The following CDH12 variants were observed in gnomAD, a reference collection of about 807,000 sequenced individuals.
The protein encoded by CDH12 is cadherin 12, also known as cadherin-12.
CDH12 carries 41 observed loss-of-function variants against 74.1 expected under a neutral mutation model. That is an observed-to-expected ratio of 0.55 (90% CI 0.43 to 0.72). The LOEUF (loss-of-function observed/expected upper bound fraction) is 0.72. Ranked by LOEUF, CDH12 falls within the 30% of genes least tolerant of loss-of-function variation. CDH12 has a pLI of 0.00. For missense variants in CDH12, 945 were observed against 977.2 expected (o/e 0.97, Z 0.44); for synonymous variants, 399 against 355.0 (o/e 1.12, Z -1.39).
chr5:21,936,086 T>C (rs1755061176), intron 6 of CDH12, among the ~76,000 whole-genome samples: 1 of 152,216 alleles, frequency 6.6e-6, no homozygotes. Context: ...ATATACTATG[T>C]CCTTTCTTTT....
At chr5:22,384,245 C>T (rs1049505427) in intron 3 of CDH12, among the ~76,000 whole-genome samples, 1 of 151,934 alleles carries the variant, frequency 6.6e-6, no homozygotes, top group East Asian at 1.9e-4. Context: ...AAAATGTTGG[C>T]CGGGCGCGGT....
At chr5:22,473,786 T>C (rs1171067233) in intron 2 of CDH12, among the ~76,000 whole-genome samples, 1 of 152,146 alleles carries the variant, frequency 6.6e-6, no homozygotes, top group Non-Finnish European at 1.5e-5. Flanking sequence ...AAGGCTGATA[T>C]AGTGTAAATT....
chr5:21,807,918 G>A (rs1408023662), intron 9 of CDH12, among the ~76,000 whole-genome samples: 1 of 152,078 alleles, frequency 6.6e-6, no homozygotes, highest in Non-Finnish European at 1.5e-5. Flanking sequence ...TACTTGAGAG[G>A]TGTGATCTAA....
chr5:21,930,788 TCAA>T (rs1372509801), intron 6 of CDH12, among the ~76,000 whole-genome samples: 1 of 152,200 alleles, frequency 6.6e-6, no homozygotes, highest in African/African-American at 2.4e-5. Flanking sequence ...AATTCATAGA[TCAA>T]CAACTTCGTA....
rs139365834 is a variant in CDH12 at position 22,625,254 on chromosome 5, A to G, written c.-522-119890T>C. ...ACACCAACATGGCACATGTATACAT[A>G]TATAACAAACCTGCACATTGTGCAC... On this transcript the variant is annotated intron_variant, in intron 1 of 14. Transcript: ENST00000382254. Among the ~76,000 whole-genome samples the G allele has an allele frequency of 9.8e-3, 1,492 of 152,290 alleles. 26 individuals are homozygous for G. The highest frequency in any genetic ancestry group is 0.062 in the East Asian group (321 of 5,174).
chr5:22,434,143 G>T (rs1561401093), intron 2 of CDH12, among the ~76,000 whole-genome samples: 1 of 151,618 alleles, frequency 6.6e-6, no homozygotes, highest in Non-Finnish European at 1.5e-5. Context: ...TTTGTGTAGA[G>T]CTATTCAAAA....
chr5:22,260,321 T>C (rs74500559), intron 3 of CDH12, among the ~76,000 whole-genome samples: 3 of 152,196 alleles, frequency 2.0e-5, no homozygotes, highest in South Asian at 2.1e-4. Context: ...TTATTCAACA[T>C]TATTTTATTT....
At chr5:22,336,835 C>A (rs1739606225) in intron 3 of CDH12, among the ~76,000 whole-genome samples, 1 of 152,194 alleles carries the variant, frequency 6.6e-6, no homozygotes, top group African/African-American at 2.4e-5. Flanking sequence ...TGGGGCACTG[C>A]CCAGTGGAGC....
intron 2 of CDH12, among the ~76,000 whole-genome samples, chr5:22,439,060 A>C (rs1239380437): frequency 1.3e-5 from 2 of 151,922 alleles, no homozygotes; most frequent in African/African-American, 4.8e-5. Context: ...GCACAATGTA[A>C]ATTGAGGATC....
intron 6 of CDH12, among the ~76,000 whole-genome samples, chr5:21,882,184 A>G (rs747570966): frequency 1.1e-4 from 17 of 152,216 alleles, no homozygotes; most frequent in Non-Finnish European, 1.8e-4. Context: ...TAAATTAAGC[A>G]ATGATGCATC....
At chr5:22,090,105 C>T (rs1047158637) in intron 4 of CDH12, among the ~76,000 whole-genome samples, 7 of 151,752 alleles carry the variant, frequency 4.6e-5, no homozygotes, top group Non-Finnish European at 1.0e-4. Flanking sequence ...AATAAACACA[C>T]CAAATTGTTC....
At chr5:22,440,673 C>G (rs565027402) in intron 2 of CDH12, among the ~76,000 whole-genome samples, 2 of 152,190 alleles carry the variant, frequency 1.3e-5, no homozygotes, top group East Asian at 3.9e-4. Flanking sequence ...TGTCCCATTC[C>G]TTGGTTCCTG....
intron 1 of CDH12, among the ~76,000 whole-genome samples, chr5:22,674,752 G>A (rs540209312): frequency 2.5e-4 from 38 of 152,236 alleles, no homozygotes; most frequent in African/African-American, 8.9e-4. Flanking sequence ...GAACTTGTTG[G>A]GAACTGGAGC....
intron 5 of CDH12, among the ~76,000 whole-genome samples, chr5:22,023,993 G>A (rs1738172319): frequency 6.6e-6 from 1 of 152,118 alleles, no homozygotes; most frequent in Admixed American, 6.6e-5. Flanking sequence ...CCACCTAACT[G>A]CAAAGTGCTG....
chr5:22,698,814 A>T (rs1010878259), intron 1 of CDH12, among the ~76,000 whole-genome samples: 5 of 146,448 alleles, frequency 3.4e-5, no homozygotes, highest in Non-Finnish European at 6.0e-5. Context: ...GAAGTTTGGC[A>T]GTTCAACAAT....
chr5:22,512,611 T>G (rs1736658235), intron 1 of CDH12, among the ~76,000 whole-genome samples: 1 of 152,172 alleles, frequency 6.6e-6, no homozygotes, highest in Admixed American at 6.5e-5. Context: ...GAATTCCTTG[T>G]AAGAAGCTGC....
intron 1 of CDH12, among the ~76,000 whole-genome samples, chr5:22,518,740 A>C (rs1457807355): frequency 1.3e-5 from 2 of 152,208 alleles, no homozygotes; most frequent in African/African-American, 4.8e-5. Flanking sequence ...AGTCAACGAC[A>C]ATGGCATGGG....
chr5:22,469,350 G>C (rs1412425564), intron 2 of CDH12, among the ~76,000 whole-genome samples: 1 of 152,152 alleles, frequency 6.6e-6, no homozygotes, highest in African/African-American at 2.4e-5. Flanking sequence ...TTGGCAGGTT[G>C]GTTTCTTCTG....
At chr5:22,844,274 C>A (rs1187546746) in intron 1 of CDH12, among the ~76,000 whole-genome samples, 1 of 152,034 alleles carries the variant, frequency 6.6e-6, no homozygotes, top group African/African-American at 2.4e-5. Context: ...GGAACAAGGG[C>A]AGGGCTTTGA....
Sources: allele counts gnomAD v4.1 joint callset (sites outside exome capture counted in the v4.1 genomes callset), GRCh38; gene constraint gnomAD v4.1.1; transcripts MANE v1.5; gene names NCBI Gene and HGNC (gene_info 2026-07-23, HGNC 2026-07-21).